The following RAB31 variants were observed in gnomAD, a reference collection of about 807,000 sequenced individuals.
The protein encoded by RAB31 is RAB31, member RAS oncogene family, also known as ras-related protein Rab-31.
In RAB31, 21 loss-of-function variants were observed where a neutral mutation model predicts 25.6. That is an observed-to-expected ratio of 0.82 (90% CI 0.58 to 1.18). RAB31 has a LOEUF of 1.18. Ranked by LOEUF, RAB31 falls within the 50% of genes most tolerant of loss-of-function variation. The pLI is 0.00. For synonymous variants in RAB31, 87 were observed against 84.0 expected (o/e 1.04, Z -0.20); for missense variants, 196 against 250.1 (o/e 0.78, Z 1.46).
chr18:9,789,910 C>T (rs2068451698), intron 2 of RAB31, among the ~76,000 whole-genome samples: 1 of 152,088 alleles, frequency 6.6e-6, no homozygotes, highest in Admixed American at 6.6e-5. Context: ...TATTATTAGC[C>T]TTTGGTTTTT....
intron 3 of RAB31, among the ~76,000 whole-genome samples, chr18:9,799,018 A>T (rs1160253987): frequency 6.6e-6 from 1 of 152,172 alleles, no homozygotes; most frequent in Non-Finnish European, 1.5e-5. Flanking sequence ...CAGAAGGCGA[A>T]TGTTGCAGTG....
chr18:9,853,849 AAAAT>A (rs897507305), intron 6 of RAB31, among the ~76,000 whole-genome samples: 3 of 151,702 alleles, frequency 2.0e-5, no homozygotes, highest in Non-Finnish European at 4.4e-5. Context: ...AACTGCTCAA[AAAAT>A]AAATAAATAA....
chr18:9,711,349 T>C (rs775855554), intron 1 of RAB31, among the ~76,000 whole-genome samples: 3 of 152,068 alleles, frequency 2.0e-5, no homozygotes, highest in Non-Finnish European at 4.4e-5. Flanking sequence ...GATCAGTCAG[T>C]GCTAAGTCCA....
intron 1 of RAB31, among the ~76,000 whole-genome samples, chr18:9,768,214 A>G (rs1042725289): frequency 6.6e-6 from 1 of 152,232 alleles, no homozygotes; most frequent in African/African-American, 2.4e-5. Flanking sequence ...CTTTGTGTAT[A>G]TAACCAGTCA....
intron 1 of RAB31, among the ~76,000 whole-genome samples, chr18:9,723,125 G>A (rs2068080888): frequency 6.6e-6 from 1 of 152,146 alleles, no homozygotes; most frequent in African/African-American, 2.4e-5. Context: ...TTGGCTCACT[G>A]CAACCTCTGC....
chr18:9,809,619 C>G (rs1253390697), intron 3 of RAB31, among the ~76,000 whole-genome samples: 1 of 152,136 alleles, frequency 6.6e-6, no homozygotes, highest in African/African-American at 2.4e-5. Flanking sequence ...GCCTCATGTG[C>G]CATTTAATAT....
chr18:9,775,138 A>G lies in RAB31; in HGVS notation c.40-140A>G, dbSNP rs890804039. The stretch of plus-strand genomic sequence containing the variant: ...AAATATTGGTGAGAAATAGAAGAAA[A>G]TATCCCCCCACTCCCTCTCCCAGTC... On this transcript the variant is annotated intron_variant, in intron 1 of 6. Coordinates refer to ENST00000578921, the MANE Select transcript of RAB31 (RefSeq NM_006868.4). 6 of 1,322,582 alleles carry G rather than the reference A, an allele frequency of 4.5e-6. No individual in the cohort carries two copies. In the African/African-American group the frequency reaches 8.9e-5, roughly 20 times the overall value. The allele number at this position is 1,322,582 out of a possible 1,614,324, so 81.9% of individuals were successfully genotyped here. A position where few individuals can be genotyped will look rare whatever the true frequency, so the allele number is the denominator to read the frequency against.
chr18:9,813,704 G>T (rs1477353137), intron 3 of RAB31, among the ~76,000 whole-genome samples: 3 of 152,034 alleles, frequency 2.0e-5, no homozygotes, highest in Non-Finnish European at 4.4e-5. Flanking sequence ...ATGCAAAAAT[G>T]ATCCAGATGT....
At chr18:9,785,527 T>A (rs997435474) in intron 2 of RAB31, among the ~76,000 whole-genome samples, 2 of 152,202 alleles carry the variant, frequency 1.3e-5, no homozygotes, top group Non-Finnish European at 2.9e-5. Context: ...ACCCTTGTTA[T>A]AATCTTGGGG....
chr18:9,812,975 G>T (rs1307797214), intron 3 of RAB31, among the ~76,000 whole-genome samples: 1 of 149,962 alleles, frequency 6.7e-6, no homozygotes, highest in East Asian at 2.0e-4. Context: ...GGGATTACAG[G>T]CGTGAGCCAC....
intron 5 of RAB31, among the ~76,000 whole-genome samples, chr18:9,831,632 T>C (rs1453269019): frequency 7.2e-5 from 11 of 152,228 alleles, no homozygotes; most frequent in Admixed American, 4.6e-4. Context: ...GGCACGGCGC[T>C]GTGGCATGGC....
intron 1 of RAB31, among the ~76,000 whole-genome samples, chr18:9,724,067 C>A (rs1476925406): frequency 6.6e-6 from 1 of 151,794 alleles, no homozygotes; most frequent in Middle Eastern, 3.4e-3. Flanking sequence ...GTCAGGAGAT[C>A]GAGACCATCC....
chr18:9,861,682 A>T lies in RAB31; in HGVS notation c.*2357A>T, dbSNP rs1280076040. 6.6e-6 allele frequency: 1 copy of T among 152,256 alleles called. No homozygotes were observed. The highest frequency in any genetic ancestry group is 1.5e-5 in the Non-Finnish European group (1 of 68,050). The allele number at this position is 152,256 out of a possible 1,614,324, so 9.4% of individuals were successfully genotyped here. On this transcript the variant is annotated 3_prime_UTR_variant, in exon 7 of 7. Coordinates refer to ENST00000578921, the MANE Select transcript of RAB31 (RefSeq NM_006868.4). Reference sequence around the variant, plus strand: ...AGGCCTGGAAATTACTGTTGCTAAAAAAAGTCATGTAGTTTCATGTAGTGT... The same window carrying T: ...AGGCCTGGAAATTACTGTTGCTAAATAAAGTCATGTAGTTTCATGTAGTGT...
At chr18:9,735,026 GT>G (rs796178723) in intron 1 of RAB31, 56 of 179,396 alleles carry the variant, frequency 3.1e-4, no homozygotes, top group South Asian at 1.3e-3. Context: ...TTGTTGTTTT[GT>G]TTTTTTTTGA....
At position 9,734,690 on chromosome 18, in the gene RAB31, G is replaced by T. The variant is rs145159728; in HGVS notation, c.39+26246G>T. Among the ~76,000 whole-genome samples, 59 of 152,332 alleles carry T rather than the reference G, an allele frequency of 3.9e-4. No individual in the cohort carries two copies. In the East Asian group the frequency reaches 0.011, roughly 27 times the overall value. On this transcript the variant is annotated intron_variant, in intron 1 of 6. Coordinates refer to ENST00000578921, the MANE Select transcript of RAB31 (RefSeq NM_006868.4). ...GGAGCAGTGGGGTGGGGAAGGACTC[G>T]AGTCTCTGGCGCCTCAGCACTGTGT...
chr18:9,795,710 T>C (rs115709090), intron 3 of RAB31, among the ~76,000 whole-genome samples: 3,448 of 152,224 alleles, frequency 0.023, 122 homozygotes, highest in African/African-American at 0.078. Flanking sequence ...CAAGAACGAC[T>C]ATAATCAAAA....
chr18:9,767,813 G>C (rs541703234), intron 1 of RAB31, among the ~76,000 whole-genome samples: 2 of 152,054 alleles, frequency 1.3e-5, no homozygotes, highest in Non-Finnish European at 2.9e-5. Context: ...GTGGTTTGCT[G>C]CACCCATCAA....
intron 5 of RAB31, among the ~76,000 whole-genome samples, chr18:9,833,645 G>A (rs540935500): frequency 1.2e-4 from 19 of 152,252 alleles, no homozygotes; most frequent in Admixed American, 3.3e-4. Flanking sequence ...GCACATACAC[G>A]ATTTCCACAT....
At chr18:9,808,477 G>A (rs2068553588) in intron 3 of RAB31, among the ~76,000 whole-genome samples, 1 of 152,244 alleles carries the variant, frequency 6.6e-6, no homozygotes, top group Non-Finnish European at 1.5e-5. Context: ...TGTGGAGAGA[G>A]AGGGTCTATG....
Sources: gnomAD v4.1 joint callset for allele counts (sites outside exome capture counted in the v4.1 genomes callset) on GRCh38, gnomAD v4.1.1 for gene constraint, MANE v1.5 for transcripts, NCBI Gene and HGNC (gene_info 2026-07-23, HGNC 2026-07-21) for gene names.